Variants in UBR3 observed in about 807,000 individuals in gnomAD.
The protein encoded by UBR3 is ubiquitin protein ligase E3 component n-recognin 3, also known as E3 ubiquitin-protein ligase UBR3.
UBR3 carries 85 observed loss-of-function variants against 243.2 expected under a neutral mutation model. The ratio of observed to expected loss-of-function variants is 0.35; its 90% CI spans 0.29 to 0.42. The LOEUF (loss-of-function observed/expected upper bound fraction) is 0.42. UBR3 is among the 10% of genes least tolerant of loss of function. The pLI, the probability that UBR3 is intolerant of heterozygous loss-of-function variation, is 1.00. For synonymous variants in UBR3, 748 were observed against 799.8 expected, an observed-to-expected ratio of 0.94 and a Z score of 1.09; for missense variants, 1,686 against 2,300.8, an observed-to-expected ratio of 0.73 and a Z score of 5.47.
chr2:169,943,647 G>A (rs547476615), intron 20 of UBR3, among the ~76,000 whole-genome samples: 2 of 152,130 alleles, frequency 1.3e-5, no homozygotes, highest in South Asian at 4.1e-4. Context: ...CTATACTCAT[G>A]TAGATAATAT....
intron 24 of UBR3, among the ~76,000 whole-genome samples, chr2:169,983,173 G>T (rs1332430437): frequency 3.3e-5 from 5 of 151,072 alleles, no homozygotes; most frequent in Admixed American, 3.3e-4. Flanking sequence ...GAGAGTGAGA[G>T]CAGGAGAGAG....
At chr2:169,882,214 ATG>A (rs1249274215) in intron 5 of UBR3, among the ~76,000 whole-genome samples, 2 of 132,958 alleles carry the variant, frequency 1.5e-5, no homozygotes, top group African/African-American at 5.7e-5. Flanking sequence ...ACATTTATAT[ATG>A]TATATTATAT....
intron 36 of UBR3, chr2:170,077,812 C>G: frequency 7.3e-6 from 2 of 272,294 alleles, no homozygotes; most frequent in Non-Finnish European, 1.4e-5. Flanking sequence ...TCTTGAACTC[C>G]TGACCTCAAA....
chr2:169,981,685 A>G (rs1000466358), intron 24 of UBR3, among the ~76,000 whole-genome samples: 1 of 152,170 alleles, frequency 6.6e-6, no homozygotes, highest in African/African-American at 2.4e-5. Flanking sequence ...TCAATATTGT[A>G]TCAATAAAAA....
At chr2:170,032,436 A>G (rs1321954428) in intron 31 of UBR3, among the ~76,000 whole-genome samples, 11 of 152,104 alleles carry the variant, frequency 7.2e-5, no homozygotes, top group Non-Finnish European at 2.9e-5. Context: ...ATGTAGACCT[A>G]TTCAGATTTT....
chr2:169,827,958 C>A lies in UBR3; in HGVS notation c.451C>A (p.Gln151Lys). ...GTCGCTGTGCGCCGAGTGCTTCCAC[C>A]AGGGCGACCACACCGGACACGACTT... ...CMSLCAECFHQGDHTGHDFNM... is the reference protein window; with the variant it reads ...CMSLCAECFHKGDHTGHDFNM... Residue 151 changes from glutamine (Q) to lysine (K), a missense_variant, in exon 1 of 39, where the codon CAG becomes AAG. Coordinates refer to ENST00000272793, the MANE Select transcript of UBR3 (RefSeq NM_172070.4). 1 of 1,475,596 alleles carries A rather than the reference C, an allele frequency of 6.8e-7. No individual in the cohort carries two copies. The highest frequency in any genetic ancestry group is 9.0e-7 in the Non-Finnish European group (1 of 1,111,986). 91.4% of individuals were successfully genotyped at this position (1,475,596 alleles called of 1,614,324 possible).
chr2:169,901,138 C>G (rs2084805677), intron 8 of UBR3, among the ~76,000 whole-genome samples: 1 of 152,116 alleles, frequency 6.6e-6, no homozygotes, highest in African/African-American at 2.4e-5. Flanking sequence ...TTTCTTGGCA[C>G]TTTGTCCTAG....
At chr2:169,899,888 TC>T (rs1181066516) in intron 8 of UBR3, among the ~76,000 whole-genome samples, 1 of 151,978 alleles carries the variant, frequency 6.6e-6, no homozygotes, top group Admixed American at 6.6e-5. Context: ...ATTTTCTTTA[TC>T]TAGTCCATCA....
intron 27 of UBR3, among the ~76,000 whole-genome samples, chr2:170,005,381 A>G (rs1055179486): frequency 8.5e-5 from 13 of 152,202 alleles, no homozygotes; most frequent in African/African-American, 2.9e-4. Context: ...CTCTGACAAC[A>G]CTCAGTTTGA....
At chr2:169,924,528 TC>T (rs1490163493) in intron 13 of UBR3, among the ~76,000 whole-genome samples, 2 of 152,188 alleles carry the variant, frequency 1.3e-5, no homozygotes, top group Admixed American at 1.3e-4. Context: ...ATTCTCAGTT[TC>T]CCTATCTGTA....
At chr2:169,973,553 T>C (rs1184342748) in intron 24 of UBR3, among the ~76,000 whole-genome samples, 1 of 152,238 alleles carries the variant, frequency 6.6e-6, no homozygotes, top group Admixed American at 6.5e-5. Flanking sequence ...GTTAATTTTG[T>C]ATCCTGAAGC....
Position 169,877,055 on chromosome 2 carries a change from C to T in UBR3, c.845-439C>T, listed in dbSNP as rs146025665. Among the ~76,000 whole-genome samples the T allele has an allele frequency of 3.9e-5, 6 of 152,286 alleles. No individual in the cohort carries two copies. In the East Asian group the frequency reaches 5.8e-4, roughly 15 times the overall value. On this transcript the variant is annotated intron_variant, in intron 3 of 38. Transcript: ENST00000272793. ...TGTATTGTTATACAAAACATTCATA[C>T]GCCTTTCCCAAGCACTCTGCTTTCG...
chr2:170,021,504 TC>T (rs1283341540), intron 30 of UBR3, among the ~76,000 whole-genome samples: 1 of 152,088 alleles, frequency 6.6e-6, no homozygotes, highest in Non-Finnish European at 1.5e-5. Context: ...AGAGCACTAA[TC>T]CCATTCATGA....
intron 23 of UBR3, among the ~76,000 whole-genome samples, chr2:169,950,987 T>C (rs898107215): frequency 1.3e-5 from 2 of 152,196 alleles, no homozygotes; most frequent in African/African-American, 4.8e-5. Context: ...AGATAGTCAT[T>C]GCTCACTTCT....
rs935593852 is a variant in UBR3 at position 170,054,095 on chromosome 2, T to TA, written c.4661-1364dup. Among the ~76,000 whole-genome samples, 41 of 152,194 alleles carry TA rather than the reference T, an allele frequency of 2.7e-4. 1 individual carries two copies. Among genetic ancestry groups the TA allele is most frequent in the Non-Finnish European group, 1.2e-4 (8 of 68,026 alleles). On this transcript the variant is annotated intron_variant, in intron 32 of 38. Transcript: ENST00000272793. ...AGCTACCAGGCACTTTACATATTGT[T>TA]ACTACTATTTCATATTGCTAAGTTT...
intron 33 of UBR3, among the ~76,000 whole-genome samples, chr2:170,057,106 CT>C (rs2091351480): frequency 7.3e-6 from 1 of 137,906 alleles, no homozygotes; most frequent in Admixed American, 7.9e-5. Context: ...TTGTAATTAT[CT>C]TTAGTTTTTT....
chr2:170,046,106 A>AGTT (rs2091081442), intron 32 of UBR3, among the ~76,000 whole-genome samples: 1 of 151,640 alleles, frequency 6.6e-6, no homozygotes, highest in African/African-American at 2.4e-5. Context: ...AGCTAGGATT[A>AGTT]CAGGCGCCTG....
At chr2:169,869,079 C>A (rs1339023801) in intron 1 of UBR3, among the ~76,000 whole-genome samples, 2 of 151,392 alleles carry the variant, frequency 1.3e-5, no homozygotes, top group Non-Finnish European at 2.9e-5. Context: ...GAAGTTAGCT[C>A]TGGAGACATG....
chr2:169,874,245 C>T (rs2083526150), intron 2 of UBR3, among the ~76,000 whole-genome samples: 1 of 151,680 alleles, frequency 6.6e-6, no homozygotes, highest in South Asian at 2.1e-4. Flanking sequence ...GTCAGCTCAC[C>T]GCAGCCTCCG....
Sources: allele counts gnomAD v4.1 joint callset (sites outside exome capture counted in the v4.1 genomes callset), GRCh38; gene constraint gnomAD v4.1.1; transcripts MANE v1.5; gene names NCBI Gene and HGNC (gene_info 2026-07-23, HGNC 2026-07-21).